Variants in EPHA3 observed in about 807,000 individuals in gnomAD.
The protein encoded by EPHA3 is EPH receptor A3, also known as ephrin type-A receptor 3.
EPHA3 carries 42 observed loss-of-function variants against 107.1 expected under a neutral mutation model. The observed-to-expected ratio is 0.39, with a 90% confidence interval of 0.31 to 0.51. EPHA3 has a LOEUF of 0.51. Ranked by LOEUF, EPHA3 falls within the 20% of genes least tolerant of loss-of-function variation. The probability of loss-of-function intolerance (pLI) is 0.78; values close to 1 mark genes in which losing one functional copy is unlikely to be tolerated. For missense variants in EPHA3, 1,183 were observed against 1,211.2 expected, an observed-to-expected ratio of 0.98 and a Z score of 0.35; for synonymous variants, 461 against 424.8, an observed-to-expected ratio of 1.09 and a Z score of -1.05.
intron 3 of EPHA3, among the ~76,000 whole-genome samples, chr3:89,258,949 G>A (rs540351080): frequency 3.3e-5 from 5 of 152,202 alleles, no homozygotes; most frequent in Non-Finnish European, 7.4e-5. Flanking sequence ...ACAATGAAAA[G>A]TCAATGTATG....
intron 3 of EPHA3, among the ~76,000 whole-genome samples, chr3:89,255,382 G>A (rs1705259161): frequency 6.6e-6 from 1 of 152,140 alleles, no homozygotes; most frequent in Admixed American, 6.5e-5. Flanking sequence ...CTTAAATTAG[G>A]GCTTGGTAAA....
At chr3:89,475,782 T>C (rs1008912219) in intron 16 of EPHA3, among the ~76,000 whole-genome samples, 8 of 152,286 alleles carry the variant, frequency 5.3e-5, no homozygotes, top group Admixed American at 2.6e-4. Context: ...AAGTACCAGA[T>C]AACACTTTAA....
chr3:89,446,099 A>C (rs114620021), intron 13 of EPHA3, among the ~76,000 whole-genome samples: 1 of 152,158 alleles, frequency 6.6e-6, no homozygotes, highest in Non-Finnish European at 1.5e-5. Flanking sequence ...CATGCATCCC[A>C]TTTGTTTAAA....
At chr3:89,399,085 G>A (rs1432995987) in intron 6 of EPHA3, among the ~76,000 whole-genome samples, 2 of 151,216 alleles carry the variant, frequency 1.3e-5, no homozygotes, top group African/African-American at 4.9e-5. Flanking sequence ...AGCTGAGATC[G>A]CGCCACTGCA....
chr3:89,327,750 G>GT (rs1373579633), intron 3 of EPHA3, among the ~76,000 whole-genome samples: 1 of 151,598 alleles, frequency 6.6e-6, no homozygotes, highest in Non-Finnish European at 1.5e-5. Flanking sequence ...TTGTTTGTTT[G>GT]TTTTGTTTTT....
At chr3:89,125,945 T>C (rs552058073) in intron 1 of EPHA3, among the ~76,000 whole-genome samples, 1 of 151,848 alleles carries the variant, frequency 6.6e-6, no homozygotes, top group Admixed American at 6.6e-5. Context: ...AGATGATTTT[T>C]TAAAGTCTAT....
chr3:89,473,918 A>G (rs2107576569), intron 16 of EPHA3, among the ~76,000 whole-genome samples: 1 of 152,206 alleles, frequency 6.6e-6, no homozygotes, highest in Non-Finnish European at 1.5e-5. Flanking sequence ...CTATTGGGAA[A>G]CTGTTCATCT....
At chr3:89,427,405 T>C (rs1186524542) in intron 11 of EPHA3, among the ~76,000 whole-genome samples, 3 of 151,880 alleles carry the variant, frequency 2.0e-5, no homozygotes, top group Non-Finnish European at 2.9e-5. Context: ...AATGGCAAAC[T>C]AACCTCATGA....
chr3:89,268,731 T>C (rs1705593891), intron 3 of EPHA3, among the ~76,000 whole-genome samples: 1 of 152,062 alleles, frequency 6.6e-6, no homozygotes, highest in Non-Finnish European at 1.5e-5. Context: ...GCTATAGCAG[T>C]AAATCAGCTG....
chr3:89,448,221 A>G (rs1234296070), intron 13 of EPHA3, among the ~76,000 whole-genome samples: 3 of 152,146 alleles, frequency 2.0e-5, no homozygotes, highest in African/African-American at 7.2e-5. Flanking sequence ...GACACTGGCT[A>G]CACACTCAAC....
intron 5 of EPHA3, among the ~76,000 whole-genome samples, chr3:89,386,793 T>A (rs1708631927): frequency 6.6e-6 from 1 of 152,200 alleles, no homozygotes; most frequent in African/African-American, 2.4e-5. Flanking sequence ...CCCAAGGCTG[T>A]GGGAGCCCAT....
chr3:89,394,891 C>A (rs1156725821), intron 5 of EPHA3, among the ~76,000 whole-genome samples: 1 of 152,140 alleles, frequency 6.6e-6, no homozygotes, highest in Non-Finnish European at 1.5e-5. Context: ...CCACTGAACT[C>A]CAGTGAGACA....
chr3:89,119,733 G>T (rs7642606), intron 1 of EPHA3, among the ~76,000 whole-genome samples: 18,973 of 152,018 alleles, frequency 0.12, 1,240 homozygotes, highest in Middle Eastern at 0.18. Context: ...TCTACAGTGG[G>T]GTTCTTTCAA....
chr3:89,323,011 A>G (rs776232534), intron 3 of EPHA3, among the ~76,000 whole-genome samples: 16 of 152,092 alleles, frequency 1.1e-4, no homozygotes, highest in Non-Finnish European at 2.1e-4. Flanking sequence ...ATCTTTGTGA[A>G]TTATATTTAA....
At chr3:89,378,094 A>G (rs1251033892) in intron 5 of EPHA3, among the ~76,000 whole-genome samples, 1 of 152,020 alleles carries the variant, frequency 6.6e-6, no homozygotes, top group East Asian at 1.9e-4. Flanking sequence ...GAGGAACATC[A>G]CACACTGGGG....
chr3:89,191,111 T>C lies in EPHA3; in HGVS notation c.154-18749T>C, dbSNP rs527357913. ...TTTCATTGGTGTAGTAAACATTGAC[T>C]GGGTGACGCCTGCCAGATATTATGC... On this transcript the variant is annotated intron_variant, in intron 2 of 16. Coordinates refer to ENST00000336596, the MANE Select transcript of EPHA3 (RefSeq NM_005233.6). Among the ~76,000 whole-genome samples, 28 of 152,198 alleles carry C rather than the reference T, an allele frequency of 1.8e-4. No homozygotes were observed. The South Asian group carries it at 5.6e-3, about 30-fold the overall frequency.
intron 5 of EPHA3, among the ~76,000 whole-genome samples, chr3:89,387,974 CA>C (rs1708655765): frequency 6.6e-6 from 1 of 152,020 alleles, no homozygotes; most frequent in African/African-American, 2.4e-5. Flanking sequence ...ATACTGTTAT[CA>C]AAAAATCGGG....
At chr3:89,263,840 T>C (rs888909390) in intron 3 of EPHA3, among the ~76,000 whole-genome samples, 2 of 152,156 alleles carry the variant, frequency 1.3e-5, no homozygotes, top group Admixed American at 1.3e-4. Context: ...TGGGGTTTCA[T>C]TGTGGACCCT....
At chr3:89,208,680 T>C (rs1401944868) in intron 2 of EPHA3, among the ~76,000 whole-genome samples, 1 of 152,022 alleles carries the variant, frequency 6.6e-6, no homozygotes, top group African/African-American at 2.4e-5. Context: ...ATCCACCACA[T>C]CTTTCGTAAA....
Sources: allele counts gnomAD v4.1 joint callset (sites outside exome capture counted in the v4.1 genomes callset), GRCh38; gene constraint gnomAD v4.1.1; transcripts MANE v1.5; gene names NCBI Gene and HGNC (gene_info 2026-07-23, HGNC 2026-07-21).